MAP1LC3C: variants seen among roughly 807,000 people sequenced by gnomAD.
MAP1LC3C encodes the protein microtubule associated protein 1 light chain 3 gamma.
MAP1LC3C carries 12 observed loss-of-function variants against 10.4 expected under a neutral mutation model. The observed-to-expected ratio is 1.15, with a 90% CI of 0.74 to 1.86. The LOEUF is 1.86. Among genes scored for constraint, MAP1LC3C ranks in the 40% most tolerant of loss-of-function variants. The pLI, the probability that MAP1LC3C is intolerant of heterozygous loss-of-function variation, is 0.00. For missense variants in MAP1LC3C, 177 were observed against 185.7 expected (o/e 0.95, Z 0.27); for synonymous variants, 70 against 69.0 (o/e 1.01, Z -0.07).
At position 241,998,695 on chromosome 1, in the gene MAP1LC3C, G is replaced by C. The variant is rs573859325; in HGVS notation, c.115-75C>G. On this transcript the variant is annotated intron_variant, in intron 2 of 3. Coordinates refer to ENST00000357246, the MANE Select transcript of MAP1LC3C (RefSeq NM_001004343.3). ...AACTTGGAACAGACAGAGGGAAGCT[G>C]TTGGCTGCTCTTGGTTTTTCAGAGA... The C allele has an allele frequency of 2.9e-5, 46 of 1,609,328 alleles. No individual in the cohort carries two copies. The African/African-American group carries it at 6.0e-4, about 21-fold the overall frequency.
upstream of MAP1LC3C, among the ~76,000 whole-genome samples, chr1:242,001,314 T>C (rs955775637): frequency 6.6e-6 from 1 of 150,988 alleles, no homozygotes; most frequent in South Asian, 2.1e-4. Context: ...CTTACCACTT[T>C]GAAAATTCCA....
At chr1:241,997,008 C>T (rs1158495102) in intron 3 of MAP1LC3C, among the ~76,000 whole-genome samples, 11 of 149,646 alleles carry the variant, frequency 7.4e-5, no homozygotes, top group Admixed American at 7.3e-4. Flanking sequence ...TTTTGATTCC[C>T]CTGCCTCAAC....
upstream of MAP1LC3C, among the ~76,000 whole-genome samples, chr1:241,999,272 A>G (rs1407759506): frequency 6.6e-6 from 1 of 152,144 alleles, no homozygotes; most frequent in Non-Finnish European, 1.5e-5. Context: ...GACCAGTTCA[A>G]GATGTTTCTT....
At chr1:242,001,251 T>C (rs1426747684), upstream of MAP1LC3C, among the ~76,000 whole-genome samples, 2 of 151,952 alleles carry the variant, frequency 1.3e-5, no homozygotes, top group African/African-American at 2.4e-5. Flanking sequence ...CACTCCAGCC[T>C]GGGCAACGGA....
chr1:242,000,053 GT>G (rs1665165842), upstream of MAP1LC3C, among the ~76,000 whole-genome samples: 1 of 152,068 alleles, frequency 6.6e-6, no homozygotes, highest in Admixed American at 6.6e-5. Flanking sequence ...ATGTGTGTGT[GT>G]GTGTGTGGGT....
rs1665078067 is a variant in MAP1LC3C, at chr1:241,996,125, G to C, written c.*38C>G. 6.4e-7 allele frequency: 1 copy of C among 1,572,816 alleles called. No homozygotes were observed. The highest frequency in any genetic ancestry group is 1.3e-5 in the African/African-American group (1 of 74,312). ...AAACCAATCCCTTCTGCCAGCATCT[G>C]ACACGTCTGTCAGAGCACACATCCT... On this transcript the variant is annotated 3_prime_UTR_variant, in exon 4 of 4. Transcript: ENST00000357246.
chr1:241,997,687 T>C (rs1002231343), intron 3 of MAP1LC3C, among the ~76,000 whole-genome samples: 1 of 152,190 alleles, frequency 6.6e-6, no homozygotes, highest in Non-Finnish European at 1.5e-5. Flanking sequence ...CCTTTATGCT[T>C]TAAGAATAGC....
At position 241,998,950 on chromosome 1, in the gene MAP1LC3C, C is replaced by T. The variant is rs754613700; in HGVS notation, c.58+1G>A. On this transcript the variant is annotated splice_donor_variant, in intron 1 of 3. Transcript: ENST00000357246. LOFTEE classifies it high-confidence loss of function. ...CCAGAAAGCTACCCCAAGAAATTTA[C>T]CCAAGCTTTTCCTCTGCTTGAAGGG... The T allele has an allele frequency of 6.2e-7, 1 of 1,612,080 alleles. No homozygotes were observed. Among genetic ancestry groups the T allele is most frequent in the Admixed American group, 1.7e-5 (1 of 59,386 alleles).
At position 241,998,555 on chromosome 1, in the gene MAP1LC3C, G is replaced by A. The variant is rs1665134204; in HGVS notation, c.180C>T (p.Val60=). 6.2e-7 allele frequency: 1 copy of A among 1,613,850 alleles called. No homozygotes were observed. Among genetic ancestry groups the A allele is most frequent in the South Asian group, 1.1e-5 (1 of 90,998 alleles). Residue 60 remains valine (V), a synonymous_variant, in exon 3 of 4, where the codon GTC becomes GTT. Transcript: ENST00000357246. ...LPPLDKTKFL[V]PQELTMTQFL... is the part of the protein sequence containing the mutation. ...ACTGGGTCATGGTCAGCTCCTGCGG[G>A]ACCAGGAACTTGGTTTTGTCCAGCG...
intron 3 of MAP1LC3C, among the ~76,000 whole-genome samples, chr1:241,997,826 C>T (rs1262846109): frequency 1.3e-5 from 2 of 152,056 alleles, no homozygotes; most frequent in Non-Finnish European, 2.9e-5. Context: ...GGCACACATA[C>T]ACTTGGAAAA....
intron 1 of MAP1LC3C, 45 bp downstream of exon 1, chr1:241,998,906 G>A (rs1665142945): frequency 6.2e-7 from 1 of 1,612,920 alleles, no homozygotes; most frequent in East Asian, 2.2e-5. Flanking sequence ...GGCCAGATCC[G>A]CTCCTCTCTT....
upstream of MAP1LC3C, among the ~76,000 whole-genome samples, chr1:242,000,425 C>T (rs1317582907): frequency 8.5e-5 from 13 of 152,102 alleles, no homozygotes; most frequent in East Asian, 2.3e-3. Context: ...GAGGGGGTTT[C>T]GCCATGTTGG....
At position 241,998,821 on chromosome 1, in the gene MAP1LC3C, T is replaced by A. The variant is rs779528763; in HGVS notation, c.69A>T (p.Gln23His). ...TTGCCCGGATTCCAGCAACTTCCTC[T>A]TGTCTGATTGCTGTGAATATTTCAA... Reference protein sequence around the residue: ...FKQRKSLAIRQEEVAGIRAKF... With the variant: ...FKQRKSLAIRHEEVAGIRAKF... The change falls in exon 2 of 4, where the codon CAA becomes CAT. Residue 23 changes from glutamine (Q) to histidine (H), a missense_variant. Transcript: ENST00000357246. 13 of 1,613,834 alleles carry A rather than the reference T, an allele frequency of 8.1e-6. No homozygotes were observed. The highest frequency in any genetic ancestry group is 1.1e-5 in the South Asian group (1 of 91,084).
In MAP1LC3C at chr1:241,998,627, A is replaced by C; in HGVS notation, c.115-7T>G. 1 of 1,609,602 alleles carries C rather than the reference A, an allele frequency of 6.2e-7. No homozygotes were observed. The highest frequency in any genetic ancestry group is 2.2e-5 in the East Asian group (1 of 44,828). ...GGTAGCGCTCCACTACCACCTGTCAAGAGTGTCAGTCCTTAAGAATGTGAC... is the reference window on the plus strand; with the variant it reads ...GGTAGCGCTCCACTACCACCTGTCACGAGTGTCAGTCCTTAAGAATGTGAC... On this transcript the variant is annotated splice_polypyrimidine_tract_variant and splice_region_variant and intron_variant, in intron 2 of 3. Coordinates refer to ENST00000357246, the MANE Select transcript of MAP1LC3C (RefSeq NM_001004343.3).
upstream of MAP1LC3C, among the ~76,000 whole-genome samples, chr1:242,000,400 T>C (rs971230584): frequency 6.6e-6 from 1 of 152,148 alleles, no homozygotes. Flanking sequence ...GGCTAATTTG[T>C]GTGTTTTTAG....
At chr1:242,001,292 TAA>T (rs1665191808), upstream of MAP1LC3C, among the ~76,000 whole-genome samples, 1 of 141,450 alleles carries the variant, frequency 7.1e-6, no homozygotes, top group Admixed American at 7.2e-5. Context: ...AAAATAAAAA[TAA>T]AAAAAGACAC....
chr1:241,999,167 T>G, upstream of MAP1LC3C: 1 of 1,347,340 alleles, frequency 7.4e-7, no homozygotes, highest in Non-Finnish European at 9.6e-7. Flanking sequence ...CTCCCTCCCC[T>G]CTCCCCACTC....
chr1:241,999,110 C>G, upstream of MAP1LC3C: 1 of 1,494,308 alleles, frequency 6.7e-7, no homozygotes, highest in Non-Finnish European at 8.8e-7. Flanking sequence ...CCTGCAGGAG[C>G]CTGAAGGAGG....
chr1:241,998,777 G>A lies in MAP1LC3C; in HGVS notation c.113C>T (p.Pro38Leu), dbSNP rs1362509792. 5 of 1,614,038 alleles carry A rather than the reference G, an allele frequency of 3.1e-6. No homozygotes were observed. Among genetic ancestry groups the A allele is most frequent in the Non-Finnish European group, 4.2e-6 (5 of 1,180,006 alleles). The change falls in exon 2 of 4, where the codon CCG becomes CTG. Residue 38 changes from proline to leucine, a missense_variant and splice_region_variant. By Grantham distance (98) the Pro-to-Leu change is moderately conservative. Coordinates refer to ENST00000357246, the MANE Select transcript of MAP1LC3C (RefSeq NM_001004343.3). ...GIRAKFPNKI[P>L]VVVERYPRET... ...AGCGGAAGTCCAGTGGTGTCTTACC[G>A]GGATTTTGTTGGGGAACTTTGCCCG... is the stretch of plus-strand genomic sequence containing the variant.
Sources: allele counts gnomAD v4.1 joint callset (sites outside exome capture counted in the v4.1 genomes callset), GRCh38; gene constraint gnomAD v4.1.1; transcripts MANE v1.5; gene names NCBI Gene and HGNC (gene_info 2026-07-23, HGNC 2026-07-21).